CADPS: variants seen among roughly 807,000 people sequenced by gnomAD.
CADPS encodes the protein calcium-dependent secretion activator 1.
Under a neutral mutation model 167.3 loss-of-function variants are expected in CADPS, and 57 were observed. The ratio of observed to expected loss-of-function variants is 0.34; its 90% CI spans 0.28 to 0.42. CADPS has a LOEUF of 0.42. Among genes scored for constraint, CADPS ranks in the 20% least tolerant of loss-of-function variants. The pLI, the probability that CADPS is intolerant of heterozygous loss-of-function variation, is 1.00. For missense variants in CADPS, 1,414 were observed against 1,738.1 expected (o/e 0.81, Z 3.32); for synonymous variants, 676 against 635.3 (o/e 1.06, Z -0.96).
rs536100385 is a variant in CADPS at position 62,512,632 on chromosome 3, T to C, written c.2599+119A>G. 197 of 635,060 alleles carry C rather than the reference T, an allele frequency of 3.1e-4. 1 individual carries two copies. The East Asian group carries it at 5.2e-3, about 17-fold the overall frequency. 39.3% of individuals were successfully genotyped at this position (635,060 alleles called of 1,614,324 possible). On this transcript the variant is annotated intron_variant, in intron 17 of 29. Coordinates refer to ENST00000383710, the MANE Select transcript of CADPS (RefSeq NM_003716.4). ...CACAAATTAACTCCTTAAGTATTAT[T>C]GCAACTCCACATGGCTCTCTGGGAG...
intron 28 of CADPS, among the ~76,000 whole-genome samples, chr3:62,409,595 C>T (rs2048565193): frequency 6.6e-6 from 1 of 152,208 alleles, no homozygotes; most frequent in African/African-American, 2.4e-5. Context: ...CATTTCTTGA[C>T]TAGCATTGAC....
chr3:62,763,403 A>G (rs1413068517), intron 2 of CADPS, among the ~76,000 whole-genome samples: 2 of 152,208 alleles, frequency 1.3e-5, no homozygotes, highest in Non-Finnish European at 2.9e-5. Flanking sequence ...GAAGATACCC[A>G]TCCCGCTGGT....
intron 1 of CADPS, among the ~76,000 whole-genome samples, chr3:62,858,574 T>C (rs1457633890): frequency 6.6e-6 from 1 of 152,130 alleles, no homozygotes; most frequent in South Asian, 2.1e-4. Context: ...TGTTTGGAAT[T>C]GGGGAATGAA....
At chr3:62,694,883 G>A (rs1006230899) in intron 3 of CADPS, among the ~76,000 whole-genome samples, 1 of 152,034 alleles carries the variant, frequency 6.6e-6, no homozygotes, top group African/African-American at 2.4e-5. Context: ...TGAAGTAGAT[G>A]CCATCAATCA....
At chr3:62,666,180 C>T (rs1003618549) in intron 3 of CADPS, among the ~76,000 whole-genome samples, 1 of 152,082 alleles carries the variant, frequency 6.6e-6, no homozygotes, top group Non-Finnish European at 1.5e-5. Flanking sequence ...GGGTCGAGTC[C>T]CCTTGCTCTG....
intron 1 of CADPS, among the ~76,000 whole-genome samples, chr3:62,863,149 G>A (rs922402987): frequency 6.6e-6 from 1 of 152,118 alleles, no homozygotes; most frequent in East Asian, 1.9e-4. Flanking sequence ...TCTGCAGTCA[G>A]GAGAAAGAAA....
chr3:62,459,309 G>C (rs964693806), intron 26 of CADPS, among the ~76,000 whole-genome samples: 1 of 152,134 alleles, frequency 6.6e-6, no homozygotes, highest in African/African-American at 2.4e-5. Context: ...CTGTGACCTC[G>C]CTTAACTTCT....
At chr3:62,778,181 C>CA (rs2090770279) in intron 1 of CADPS, among the ~76,000 whole-genome samples, 1 of 152,154 alleles carries the variant, frequency 6.6e-6, no homozygotes, top group Non-Finnish European at 1.5e-5. Flanking sequence ...TATCAATGGA[C>CA]AAACTATATA....
chr3:62,400,247 T>C (rs921799995), intron 29 of CADPS, among the ~76,000 whole-genome samples: 1 of 152,090 alleles, frequency 6.6e-6, no homozygotes, highest in African/African-American at 2.4e-5. Context: ...GGGAAGAAAT[T>C]TGGCTCTTTT....
intron 13 of CADPS, among the ~76,000 whole-genome samples, chr3:62,531,055 T>C (rs1220282339): frequency 6.6e-6 from 1 of 152,176 alleles, no homozygotes; most frequent in African/African-American, 2.4e-5. Flanking sequence ...TAAACCTAAC[T>C]GTGAATCAAG....
chr3:62,799,441 A>C (rs1209158747), intron 1 of CADPS, among the ~76,000 whole-genome samples: 1 of 152,184 alleles, frequency 6.6e-6, no homozygotes, highest in Non-Finnish European at 1.5e-5. Flanking sequence ...TTGGTGAGAA[A>C]AATTATACCT....
chr3:62,430,677 T>TAC (rs1460054424), intron 28 of CADPS, among the ~76,000 whole-genome samples: 52 of 151,988 alleles, frequency 3.4e-4, no homozygotes, highest in African/African-American at 1.2e-3. Flanking sequence ...TACATACACA[T>TAC]ACACACACAC....
At chr3:62,571,049 A>G in intron 8 of CADPS, 111 bp from the exon 9 acceptor site, 2 of 758,196 alleles carry the variant, frequency 2.6e-6, no homozygotes, top group South Asian at 3.1e-5. Flanking sequence ...CACATGGCTC[A>G]GGAACGGGGC....
chr3:62,807,302 C>A (rs2094150365), intron 1 of CADPS, among the ~76,000 whole-genome samples: 4 of 146,456 alleles, frequency 2.7e-5, no homozygotes, highest in African/African-American at 9.9e-5. Context: ...GCTCTTGTCG[C>A]CCAGGCTGGA....
chr3:62,526,537 A>G (rs538965661), intron 13 of CADPS, among the ~76,000 whole-genome samples: 5 of 152,214 alleles, frequency 3.3e-5, no homozygotes, highest in Non-Finnish European at 5.9e-5. Context: ...ACTGTGGGAT[A>G]GTGACCAAAG....
At chr3:62,434,080 T>A (rs2054505803) in intron 28 of CADPS, among the ~76,000 whole-genome samples, 1 of 152,214 alleles carries the variant, frequency 6.6e-6, no homozygotes, top group Non-Finnish European at 1.5e-5. Context: ...AGCTTCCACT[T>A]GAGTCTCACA....
intron 6 of CADPS, among the ~76,000 whole-genome samples, chr3:62,611,817 C>T (rs62242465): frequency 0.17 from 25,720 of 152,180 alleles, 2,644 homozygotes; most frequent in East Asian, 0.52. Flanking sequence ...TATTACTTTA[C>T]GCAGGATGAT....
chr3:62,626,463 G>C (rs1463762125), intron 6 of CADPS: 3 of 701,196 alleles, frequency 4.3e-6, no homozygotes, highest in Admixed American at 2.0e-5. Context: ...TGGGTACTGT[G>C]ACTCTTCAAG....
intron 1 of CADPS, among the ~76,000 whole-genome samples, chr3:62,850,940 T>G (rs1415082153): frequency 2.0e-5 from 3 of 151,410 alleles, no homozygotes; most frequent in East Asian, 1.9e-4. Flanking sequence ...AGGACTTGCT[T>G]TATGAATCTG....
Sources: gnomAD v4.1 joint callset for allele counts (sites outside exome capture counted in the v4.1 genomes callset) on GRCh38, gnomAD v4.1.1 for gene constraint, MANE v1.5 for transcripts, NCBI Gene and HGNC (gene_info 2026-07-23, HGNC 2026-07-21) for gene names.